Variants in UGT1A9 observed in about 807,000 individuals in gnomAD.
UGT1A9 encodes the protein UDP-glucuronosyltransferase 1A9.
In UGT1A9, 35 loss-of-function variants were observed where a neutral mutation model predicts 45.0. That is an observed-to-expected ratio of 0.78 (90% CI 0.59 to 1.03). The LOEUF (loss-of-function observed/expected upper bound fraction) is 1.03. UGT1A9 is among the 50% of genes least tolerant of loss of function. The pLI is 0.00. For synonymous variants in UGT1A9, 278 were observed against 250.6 expected (o/e 1.11, Z -1.03); for missense variants, 687 against 666.6 (o/e 1.03, Z -0.34).
intron 1 of UGT1A9, among the ~76,000 whole-genome samples, chr2:233,685,909 A>G (rs1003561051): frequency 2.0e-5 from 3 of 152,226 alleles, no homozygotes; most frequent in Admixed American, 6.5e-5. Flanking sequence ...TTTTCAATCC[A>G]TCATTAAATT....
intron 1 of UGT1A9, among the ~76,000 whole-genome samples, chr2:233,708,890 A>G (rs1437583883): frequency 1.3e-5 from 2 of 152,008 alleles, no homozygotes; most frequent in Non-Finnish European, 2.9e-5. Context: ...GAACAATCTC[A>G]GGGGCTATCT....
At chr2:233,709,482 A>G (rs886637388) in intron 1 of UGT1A9, among the ~76,000 whole-genome samples, 4 of 152,202 alleles carry the variant, frequency 2.6e-5, no homozygotes, top group African/African-American at 9.7e-5. Flanking sequence ...ATAAGTATTT[A>G]GTATTTGAAG....
intron 1 of UGT1A9, among the ~76,000 whole-genome samples, chr2:233,756,735 C>T (rs1015618945): frequency 7.9e-5 from 12 of 152,180 alleles, no homozygotes; most frequent in African/African-American, 2.6e-4. Context: ...GTTCTCTTCA[C>T]CTCCTCCTTA....
intron 1 of UGT1A9, among the ~76,000 whole-genome samples, chr2:233,762,100 T>C (rs1697968145): frequency 6.6e-6 from 1 of 152,226 alleles, no homozygotes; most frequent in Non-Finnish European, 1.5e-5. Flanking sequence ...TAGTTGTTGA[T>C]TGTCCGCTTC....
rs542150234 is a variant in UGT1A9, at chr2:233,704,820, A to T, written c.855+32031A>T. ...ATTATATATATGTATATTGCTTTTT[A>T]GGATTGCTTTTAAAATCAGTTAAGA... On this transcript the variant is annotated intron_variant, in intron 1 of 4. Coordinates refer to ENST00000354728, the MANE Select transcript of UGT1A9 (RefSeq NM_021027.3). 2.6e-4 allele frequency among the ~76,000 whole-genome samples: 39 copies of T among 152,234 alleles called. 1 individual carries two copies. The South Asian group carries it at 8.1e-3, about 32-fold the overall frequency.
intron 1 of UGT1A9, 53 bp downstream of exon 1, chr2:233,672,842 A>G: frequency 2.6e-6 from 4 of 1,554,318 alleles, no homozygotes; most frequent in Non-Finnish European, 3.5e-6. Flanking sequence ...TGGAAATTAA[A>G]AAAGGATTCT....
At chr2:233,693,455 C>T (rs773557629) in intron 1 of UGT1A9, 7 of 1,614,054 alleles carry the variant, frequency 4.3e-6, no homozygotes, top group South Asian at 1.1e-5. Context: ...TTTCACAGAC[C>T]CAGCCTTACC....
chr2:233,757,543 T>C (rs1575752289), intron 1 of UGT1A9, among the ~76,000 whole-genome samples: 1 of 117,334 alleles, frequency 8.5e-6, no homozygotes, highest in African/African-American at 3.6e-5. Context: ...GGAATATATA[T>C]ATATATATAT....
At chr2:233,685,917 AT>A (rs1237121683) in intron 1 of UGT1A9, among the ~76,000 whole-genome samples, 2 of 152,340 alleles carry the variant, frequency 1.3e-5, no homozygotes, top group African/African-American at 4.8e-5. Flanking sequence ...CCATCATTAA[AT>A]TTATCCTGAT....
chr2:233,684,971 G>A (rs796396541), intron 1 of UGT1A9, among the ~76,000 whole-genome samples: 38 of 152,170 alleles, frequency 2.5e-4, no homozygotes, highest in African/African-American at 8.9e-4. Flanking sequence ...AGAAAGCATT[G>A]CTTGATGATG....
intron 1 of UGT1A9, chr2:233,690,546 T>A (rs527999000): frequency 1.5e-5 from 19 of 1,289,592 alleles, no homozygotes; most frequent in Non-Finnish European, 1.9e-5. Flanking sequence ...CCCACTGGAA[T>A]ATGTCCCAAG....
chr2:233,706,156 T>G (rs1363700442), intron 1 of UGT1A9, among the ~76,000 whole-genome samples: 1 of 152,112 alleles, frequency 6.6e-6, no homozygotes, highest in Non-Finnish European at 1.5e-5. Flanking sequence ...ATGAGAACCT[T>G]CTAAATGTGG....
At chr2:233,695,130 C>CTTTCTT (rs1364557158) in intron 1 of UGT1A9, among the ~76,000 whole-genome samples, 6 of 138,838 alleles carry the variant, frequency 4.3e-5, no homozygotes, top group Non-Finnish European at 7.7e-5. Flanking sequence ...CTTTTCTTTT[C>CTTTCTT]TTTTTTTTTT....
At chr2:233,736,459 C>G (rs1461778368) in intron 1 of UGT1A9, among the ~76,000 whole-genome samples, 5 of 152,202 alleles carry the variant, frequency 3.3e-5, no homozygotes, top group Admixed American at 3.3e-4. Flanking sequence ...TTCGAACATG[C>G]ACTTTTAGCT....
At chr2:233,770,794 T>A (rs1195503821) in intron 4 of UGT1A9, 2 of 152,196 alleles carry the variant, frequency 1.3e-5, no homozygotes, top group Non-Finnish European at 2.9e-5. Flanking sequence ...ATTATAGATA[T>A]GTTTAAAGAC....
At chr2:233,693,298 C>G (rs762079696) in intron 1 of UGT1A9, 1 of 1,614,146 alleles carries the variant, frequency 6.2e-7, no homozygotes, top group Non-Finnish European at 8.5e-7. Flanking sequence ...GAAACAATCA[C>G]TTTGCTGAGC....
chr2:233,733,391 T>C lies in UGT1A9; in HGVS notation c.856-33643T>C, dbSNP rs547725287. Among the ~76,000 whole-genome samples the C allele has an allele frequency of 1.8e-4, 27 of 152,316 alleles. No homozygotes were observed. In the South Asian group the frequency reaches 5.6e-3, roughly 32 times the overall value. On this transcript the variant is annotated intron_variant, in intron 1 of 4. Coordinates refer to ENST00000354728, the MANE Select transcript of UGT1A9 (RefSeq NM_021027.3). Reference sequence around the variant, plus strand: ...AGGTCATCCTTGTTTTGTGCCAGTTTTCAAAGGGAATGCTTCCAGTTTTCG... The same window carrying C: ...AGGTCATCCTTGTTTTGTGCCAGTTCTCAAAGGGAATGCTTCCAGTTTTCG...
chr2:233,718,985 C>T (rs45571233), intron 1 of UGT1A9: 1 of 1,614,226 alleles, frequency 6.2e-7, no homozygotes, highest in East Asian at 2.2e-5. Flanking sequence ...ATGCCAGAGG[C>T]CACCAGGCGG....
In UGT1A9 at chr2:233,718,987, A is replaced by G. The variant is rs1226240136; in HGVS notation, c.855+46198A>G. On this transcript the variant is annotated intron_variant, in intron 1 of 4. Transcript: ENST00000354728. ...TTGCGGGAGCTCCATGCCAGAGGCC[A>G]CCAGGCGGTGGTCCTCACCCCAGAG... 6.2e-7 allele frequency: 1 copy of G among 1,614,246 alleles called. No individual in the cohort carries two copies. Among genetic ancestry groups the G allele is most frequent in the East Asian group, 2.2e-5 (1 of 44,884 alleles).
Sources: gnomAD v4.1 joint callset for allele counts (sites outside exome capture counted in the v4.1 genomes callset) on GRCh38, gnomAD v4.1.1 for gene constraint, MANE v1.5 for transcripts, NCBI Gene and HGNC (gene_info 2026-07-23, HGNC 2026-07-21) for gene names.